UTRN: variants seen among roughly 807,000 people sequenced by gnomAD.
UTRN encodes dystrophin-related protein 1.
UTRN carries 283 observed loss-of-function variants against 463.9 expected under a neutral mutation model. The ratio of observed to expected loss-of-function variants is 0.61; its 90% confidence interval spans 0.55 to 0.67. The LOEUF is 0.67. Among genes scored for constraint, UTRN ranks in the 30% least tolerant of loss-of-function variants. The pLI, the probability that UTRN is intolerant of heterozygous loss-of-function variation, is 0.00. For missense variants in UTRN, 3,922 were observed against 4,084.3 expected (o/e 0.96, Z 1.08); for synonymous variants, 1,442 against 1,431.5 (o/e 1.01, Z -0.17).
chr6:144,496,603 T>C (rs960943977), intron 33 of UTRN, among the ~76,000 whole-genome samples: 3 of 152,208 alleles, frequency 2.0e-5, no homozygotes, highest in Non-Finnish European at 2.9e-5. Context: ...GATTTTACTC[T>C]GTGTCAGGAA....
chr6:144,844,377 T>G (rs111289284), intron 73 of UTRN, among the ~76,000 whole-genome samples: 13,780 of 151,810 alleles, frequency 0.091, 706 homozygotes, highest in South Asian at 0.15. Context: ...CAAGCAATTC[T>G]CATGCCTCAG....
At chr6:144,624,320 T>C (rs534080507) in intron 51 of UTRN, among the ~76,000 whole-genome samples, 76 of 152,232 alleles carry the variant, frequency 5.0e-4, no homozygotes, top group Middle Eastern at 3.4e-3. Context: ...TTTAGAAAGA[T>C]TAATCTGGCC....
intron 69 of UTRN, among the ~76,000 whole-genome samples, chr6:144,835,383 C>T (rs747334736): frequency 2.9e-4 from 44 of 152,136 alleles, no homozygotes; most frequent in East Asian, 5.8e-4. Context: ...TTACTTTCAA[C>T]GAAATTCTAA....
At chr6:144,755,914 T>C (rs1019966858) in intron 57 of UTRN, among the ~76,000 whole-genome samples, 5 of 152,122 alleles carry the variant, frequency 3.3e-5, no homozygotes, top group Non-Finnish European at 7.4e-5. Context: ...ATTTCAAGAA[T>C]CTTAATCAGT....
chr6:144,341,750 A>G (rs746716336), intron 2 of UTRN, among the ~76,000 whole-genome samples: 1 of 152,260 alleles, frequency 6.6e-6, no homozygotes, highest in African/African-American at 2.4e-5. Context: ...TGTCATATTT[A>G]CATTCAGAAT....
At chr6:144,522,425 T>C (rs1039568644) in intron 40 of UTRN, among the ~76,000 whole-genome samples, 1 of 152,214 alleles carries the variant, frequency 6.6e-6, no homozygotes, top group Non-Finnish European at 1.5e-5. Context: ...TTGTTTAAAA[T>C]TAAACAGAGA....
chr6:144,728,050 A>G (rs1211996318), intron 53 of UTRN, among the ~76,000 whole-genome samples: 1 of 150,492 alleles, frequency 6.6e-6, no homozygotes, highest in Non-Finnish European at 1.5e-5. Context: ...CAAGTGAGCC[A>G]AGATTATGCC....
chr6:144,508,248 GT>G (rs57912786), intron 34 of UTRN, among the ~76,000 whole-genome samples: 2,603 of 151,820 alleles, frequency 0.017, 89 homozygotes, highest in African/African-American at 0.06. Flanking sequence ...GGAGTGAATG[GT>G]TCTGTCTTGC....
At chr6:144,681,291 A>T (rs931367680) in intron 52 of UTRN, among the ~76,000 whole-genome samples, 6 of 152,124 alleles carry the variant, frequency 3.9e-5, no homozygotes, top group Non-Finnish European at 8.8e-5. Flanking sequence ...TGAGTTAGTT[A>T]TTAGAGAGGT....
intron 48 of UTRN, among the ~76,000 whole-genome samples, chr6:144,553,996 A>G (rs1799161552): frequency 6.6e-6 from 1 of 152,130 alleles, no homozygotes; most frequent in African/African-American, 2.4e-5. Flanking sequence ...GAAGAGAGAA[A>G]GCTTGAGGAG....
At chr6:144,384,291 G>T (rs971634531) in intron 2 of UTRN, among the ~76,000 whole-genome samples, 2 of 152,018 alleles carry the variant, frequency 1.3e-5, no homozygotes, top group Admixed American at 6.6e-5. Context: ...GTGGGTAATC[G>T]AGCATTACCT....
intron 51 of UTRN, among the ~76,000 whole-genome samples, chr6:144,580,765 A>T (rs1205342593): frequency 6.6e-6 from 1 of 152,212 alleles, no homozygotes; most frequent in East Asian, 1.9e-4. Flanking sequence ...GTCATAAAGG[A>T]TAGTAACAAG....
At chr6:144,714,445 G>A (rs149889528) in intron 53 of UTRN, among the ~76,000 whole-genome samples, 1 of 152,246 alleles carries the variant, frequency 6.6e-6, no homozygotes, top group African/African-American at 2.4e-5. Context: ...ACCTCTATTT[G>A]TTATAATTCA....
intron 8 of UTRN, 97 bp downstream of exon 8, chr6:144,428,990 G>A: frequency 1.3e-6 from 1 of 764,028 alleles, no homozygotes; most frequent in Non-Finnish European, 2.0e-6. Context: ...TGAATTATGA[G>A]ACTTGAAGAA....
At chr6:144,448,814 C>T (rs776425216) in intron 17 of UTRN, 45 bp downstream of exon 17, 9 of 1,583,518 alleles carry the variant, frequency 5.7e-6, no homozygotes, top group Non-Finnish European at 8.6e-7. Flanking sequence ...ATTGCACATA[C>T]TATATTTTCT....
chr6:144,740,256 CAT>C (rs1244135078), intron 54 of UTRN, among the ~76,000 whole-genome samples: 5 of 152,280 alleles, frequency 3.3e-5, no homozygotes, highest in African/African-American at 9.6e-5. Flanking sequence ...ATAGAAACAA[CAT>C]TTTATTTTCA....
chr6:144,509,514 A>G (rs1470155350), intron 34 of UTRN, among the ~76,000 whole-genome samples: 2 of 151,986 alleles, frequency 1.3e-5, no homozygotes, highest in African/African-American at 4.8e-5. Context: ...CTTATTTCAG[A>G]ATTGAAATGA....
chr6:144,603,297 G>T (rs979627871), intron 51 of UTRN, among the ~76,000 whole-genome samples: 1 of 152,120 alleles, frequency 6.6e-6, no homozygotes, highest in Non-Finnish European at 1.5e-5. Flanking sequence ...TGTTAGGATA[G>T]GTTTCTCTGT....
chr6:144,391,681 G>A (rs993259357), intron 2 of UTRN, among the ~76,000 whole-genome samples: 6 of 152,020 alleles, frequency 3.9e-5, no homozygotes, highest in Admixed American at 1.3e-4. Flanking sequence ...TCTCTCTGCC[G>A]CCCAGGCTAG....
Sources: gnomAD v4.1 joint callset for allele counts (sites outside exome capture counted in the v4.1 genomes callset) on GRCh38, gnomAD v4.1.1 for gene constraint, MANE v1.5 for transcripts, NCBI Gene and HGNC (gene_info 2026-07-23, HGNC 2026-07-21) for gene names.